NCOA1: variants seen among roughly 807,000 people sequenced by gnomAD.
NCOA1 encodes nuclear receptor coactivator 1.
Under a neutral mutation model 150.9 loss-of-function variants are expected in NCOA1, and 35 were observed. That is an observed-to-expected ratio of 0.23 (90% CI 0.18 to 0.31). The LOEUF is 0.31. Ranked by LOEUF, NCOA1 falls within the 10% of genes least tolerant of loss-of-function variation. The pLI, the probability that NCOA1 is intolerant of heterozygous loss-of-function variation, is 1.00. For missense variants in NCOA1, 1,491 were observed against 1,749.3 expected (o/e 0.85, Z 2.63); for synonymous variants, 590 against 630.0 (o/e 0.94, Z 0.95).
chr2:24,627,486 G>A (rs1669483518), intron 3 of NCOA1, among the ~76,000 whole-genome samples: 1 of 152,182 alleles, frequency 6.6e-6, no homozygotes, highest in Admixed American at 6.5e-5. Flanking sequence ...TAGCAGTGTG[G>A]TAGAGTAGAT....
chr2:24,766,953 G>A (rs1218708707), intron 22 of NCOA1, among the ~76,000 whole-genome samples: 1 of 152,080 alleles, frequency 6.6e-6, no homozygotes, highest in Non-Finnish European at 1.5e-5. Context: ...AAGGGGAAGA[G>A]AAGGAGAGAA....
chr2:24,586,275 CAAAAAAAA>C (rs34590281), intron 3 of NCOA1, among the ~76,000 whole-genome samples: 2 of 66,168 alleles, frequency 3.0e-5, no homozygotes, highest in African/African-American at 6.8e-5. Flanking sequence ...GACTCGGTCT[CAAAAAAAA>C]AAAAAAAAAA....
At chr2:24,585,751 T>A (rs1667374029) in intron 3 of NCOA1, among the ~76,000 whole-genome samples, 1 of 152,214 alleles carries the variant, frequency 6.6e-6, no homozygotes, top group Non-Finnish European at 1.5e-5. Flanking sequence ...TGTAAGATTT[T>A]CATATACACG....
intron 3 of NCOA1, among the ~76,000 whole-genome samples, chr2:24,618,044 A>G (rs547355700): frequency 6.6e-6 from 1 of 152,222 alleles, no homozygotes. Flanking sequence ...ATATTTATAG[A>G]AAGAATGCAT....
intron 1 of NCOA1, among the ~76,000 whole-genome samples, chr2:24,515,395 G>C (rs1356831941): frequency 6.6e-6 from 1 of 151,916 alleles, no homozygotes; most frequent in Non-Finnish European, 1.5e-5. Context: ...ACCATGCCCA[G>C]CTAATATTTT....
At chr2:24,611,405 G>A (rs527731119) in intron 3 of NCOA1, among the ~76,000 whole-genome samples, 3 of 152,116 alleles carry the variant, frequency 2.0e-5, no homozygotes, top group African/African-American at 7.2e-5. Context: ...TGCAGTGAAC[G>A]TAAGAGTACA....
At chr2:24,663,349 T>C (rs538925487) in intron 5 of NCOA1, among the ~76,000 whole-genome samples, 15 of 152,182 alleles carry the variant, frequency 9.9e-5, no homozygotes, top group Non-Finnish European at 2.1e-4. Flanking sequence ...TGTACTTCTA[T>C]AGTATTCTAG....
intron 17 of NCOA1, among the ~76,000 whole-genome samples, chr2:24,731,354 GTC>G (rs1663001168): frequency 6.6e-6 from 1 of 152,076 alleles, no homozygotes; most frequent in Non-Finnish European, 1.5e-5. Flanking sequence ...TATAAAAAGA[GTC>G]TAATAAAGAA....
chr2:24,611,538 G>A (rs1409967742), intron 3 of NCOA1, among the ~76,000 whole-genome samples: 1 of 152,062 alleles, frequency 6.6e-6, no homozygotes, highest in Admixed American at 6.5e-5. Context: ...TCCCATAGTG[G>A]GTGAAGTAAT....
intron 22 of NCOA1, among the ~76,000 whole-genome samples, chr2:24,766,034 A>G (rs904109836): frequency 2.0e-5 from 3 of 151,796 alleles, no homozygotes; most frequent in Non-Finnish European, 4.4e-5. Context: ...CCAAATAGCT[A>G]GAATGACAGG....
chr2:24,523,924 CAAAAA>C (rs70947825), intron 1 of NCOA1, among the ~76,000 whole-genome samples: 32 of 49,534 alleles, frequency 6.5e-4, no homozygotes, highest in Admixed American at 4.0e-3. Flanking sequence ...GACTCTGTCT[CAAAAA>C]AAAAAAAAAA....
chr2:24,735,605 G>T (rs1164743082), intron 17 of NCOA1, among the ~76,000 whole-genome samples: 1 of 151,938 alleles, frequency 6.6e-6, no homozygotes, highest in Admixed American at 6.6e-5. Context: ...TACTCCTTGT[G>T]TAAAGGAGTA....
chr2:24,699,768 G>C (rs1481468970), intron 11 of NCOA1, among the ~76,000 whole-genome samples: 1 of 110,500 alleles, frequency 9.0e-6, no homozygotes, highest in Admixed American at 8.2e-5. Flanking sequence ...ACTTTCATGA[G>C]AATCACCTGT....
intron 3 of NCOA1, among the ~76,000 whole-genome samples, chr2:24,612,579 C>CT (rs948664235): frequency 7.3e-5 from 11 of 151,690 alleles, no homozygotes; most frequent in Non-Finnish European, 1.0e-4. Flanking sequence ...GACTTTGTTC[C>CT]TTTTTTTTGA....
intron 1 of NCOA1, among the ~76,000 whole-genome samples, chr2:24,516,977 C>CATATACGTATATATATGTGTAT (rs1664218197): frequency 6.8e-5 from 4 of 58,998 alleles, no homozygotes; most frequent in Admixed American, 2.5e-4. Flanking sequence ...TATATATACA[C>CATATACGTATATATATGTGTAT]ATATACGTAT....
intron 3 of NCOA1, among the ~76,000 whole-genome samples, chr2:24,591,935 T>C (rs563661350): frequency 1.1e-3 from 167 of 152,294 alleles, no homozygotes; most frequent in Non-Finnish European, 2.0e-3. Context: ...AGTAAATACC[T>C]TTTATTTTTT....
intron 22 of NCOA1, among the ~76,000 whole-genome samples, chr2:24,767,267 T>G (rs1249728759): frequency 1.3e-5 from 2 of 152,220 alleles, no homozygotes; most frequent in African/African-American, 4.8e-5. Flanking sequence ...TAAAATACTT[T>G]ATGACCTATC....
intron 1 of NCOA1, among the ~76,000 whole-genome samples, chr2:24,563,207 G>T (rs943803890): frequency 6.6e-6 from 1 of 152,172 alleles, no homozygotes; most frequent in Non-Finnish European, 1.5e-5. Flanking sequence ...TGTGGAAAAG[G>T]TTAGAAGCAA....
In NCOA1 at chr2:24,768,551, T is replaced by G; in HGVS notation, c.*160T>G. 1.8e-6 allele frequency: 1 copy of G among 558,970 alleles called. No individual in the cohort carries two copies. Among genetic ancestry groups the G allele is most frequent in the Non-Finnish European group, 2.7e-6 (1 of 369,824 alleles). The allele number at this position is 558,970 out of a possible 1,614,324, so 34.6% of individuals were successfully genotyped here. ...AAAAAAAAAAAAAAAAGGAGTTTGC[T>G]TTTGTCGGGAGATTGAAAGATGTTT... On this transcript the variant is annotated 3_prime_UTR_variant, in exon 23 of 23. Coordinates refer to ENST00000348332, the MANE Select transcript of NCOA1 (RefSeq NM_003743.5).
Sources: allele counts gnomAD v4.1 joint callset (sites outside exome capture counted in the v4.1 genomes callset), GRCh38; gene constraint gnomAD v4.1.1; transcripts MANE v1.5; gene names NCBI Gene and HGNC (gene_info 2026-07-23, HGNC 2026-07-21).